The following CTNNA3 variants were observed in gnomAD, a reference collection of about 807,000 sequenced individuals.
CTNNA3 encodes the protein catenin alpha 3.
Under a neutral mutation model 95.7 loss-of-function variants are expected in CTNNA3, and 76 were observed. The observed-to-expected ratio is 0.79, with a 90% CI of 0.66 to 0.96. The LOEUF (loss-of-function observed/expected upper bound fraction) is 0.96. CTNNA3 is among the 40% of genes least tolerant of loss of function. The probability of loss-of-function intolerance (pLI) is 0.00; values close to 1 mark genes in which losing one functional copy is unlikely to be tolerated. For missense variants in CTNNA3, 1,191 were observed against 1,089.8 expected, an observed-to-expected ratio of 1.09 and a Z score of -1.31; for synonymous variants, 431 against 374.4, an observed-to-expected ratio of 1.15 and a Z score of -1.74.
In CTNNA3 at chr10:66,431,053, G is replaced by GAA. The variant is rs201197251; in HGVS notation, c.1532-51703_1532-51702dup. On this transcript the variant is annotated intron_variant, in intron 11 of 17. Coordinates refer to ENST00000433211, the MANE Select transcript of CTNNA3 (RefSeq NM_013266.4). ...ATCCACAAAGAACTCAAATTTACAA[G>GAA]AAAAAAAAAAACCCATCAAAAAGTG... 0.018 allele frequency among the ~76,000 whole-genome samples: 2,658 copies of GAA among 144,780 alleles called. 182 individuals carry two copies. The East Asian group carries it at 0.24, about 13-fold the overall frequency. 95.0% of individuals were successfully genotyped at this position (144,780 alleles called of 152,430 possible).
intron 9 of CTNNA3, among the ~76,000 whole-genome samples, chr10:66,638,843 GT>G (rs1845422829): frequency 6.6e-6 from 1 of 151,456 alleles, no homozygotes; most frequent in Non-Finnish European, 1.5e-5. Flanking sequence ...CTTCCCACTA[GT>G]TATCCCATCT....
At chr10:66,117,248 G>T (rs2082380500) in intron 13 of CTNNA3, among the ~76,000 whole-genome samples, 1 of 152,002 alleles carries the variant, frequency 6.6e-6, no homozygotes, top group African/African-American at 2.4e-5. Flanking sequence ...TTTTAAATGT[G>T]CATTTTATTA....
Position 66,107,180 on chromosome 10 carries a change from T to A in CTNNA3, c.1885-3931A>T, listed in dbSNP as rs576169592. Among the ~76,000 whole-genome samples, 10 of 152,282 alleles carry A rather than the reference T, an allele frequency of 6.6e-5. No individual in the cohort carries two copies. The South Asian group carries it at 2.1e-3, about 32-fold the overall frequency. ...GACAAAGATGAAGAGAGCCCATTTT[T>A]TCAGAAAAAGTGTTAATCAATGCAG... On this transcript the variant is annotated intron_variant, in intron 13 of 17. Coordinates refer to ENST00000433211, the MANE Select transcript of CTNNA3 (RefSeq NM_013266.4).
intron 14 of CTNNA3, among the ~76,000 whole-genome samples, chr10:66,070,289 C>T (rs189963101): frequency 6.6e-5 from 10 of 152,156 alleles, no homozygotes; most frequent in East Asian, 1.9e-4. Flanking sequence ...TGGCAAAGCA[C>T]GTAAATGAAG....
rs188379763 is a variant in CTNNA3 at position 66,003,873 on chromosome 10, T to C, written c.2160-15076A>G. On this transcript the variant is annotated intron_variant, in intron 15 of 17. Coordinates refer to ENST00000433211, the MANE Select transcript of CTNNA3 (RefSeq NM_013266.4). Reference sequence around the variant, plus strand: ...ACTGCTGCATAGAACTGCACACCTTTTGCACTACACACATTTAAGGGCAGC... The same window carrying C: ...ACTGCTGCATAGAACTGCACACCTTCTGCACTACACACATTTAAGGGCAGC... Among the ~76,000 whole-genome samples the C allele has an allele frequency of 1.7e-3, 253 of 152,320 alleles. 1 individual carries two copies. The highest frequency in any genetic ancestry group is 5.6e-3 in the African/African-American group (233 of 41,578).
intron 3 of CTNNA3, among the ~76,000 whole-genome samples, chr10:67,559,245 G>A (rs561494165): frequency 6.6e-6 from 1 of 152,342 alleles, no homozygotes; most frequent in Admixed American, 6.5e-5. Context: ...ACCCCCAGTA[G>A]GGGCAGACTG....
At chr10:66,022,705 G>T (rs2079246428) in intron 15 of CTNNA3, among the ~76,000 whole-genome samples, 2 of 152,022 alleles carry the variant, frequency 1.3e-5, no homozygotes, top group South Asian at 4.1e-4. Context: ...CTGGGTTCCA[G>T]ATATCTAAGC....
rs568000605 is a variant in CTNNA3, at chr10:66,418,719, T to G, written c.1532-39367A>C. 3.3e-3 allele frequency among the ~76,000 whole-genome samples: 502 copies of G among 152,056 alleles called. 1 individual carries two copies. The highest frequency in any genetic ancestry group is 0.012 in the African/African-American group (481 of 41,494). ...GATTTACCCAAGGGACACAAGGATG[T>G]TCAAGATATGCAAATCAATAAACAT... On this transcript the variant is annotated intron_variant, in intron 11 of 17. Transcript: ENST00000433211.
chr10:65,941,709 A>G (rs1428435032), intron 17 of CTNNA3, among the ~76,000 whole-genome samples: 4 of 152,148 alleles, frequency 2.6e-5, no homozygotes, highest in Admixed American at 6.5e-5. Flanking sequence ...CATATTTAGT[A>G]TCTTGATTAA....
intron 11 of CTNNA3, among the ~76,000 whole-genome samples, chr10:66,517,580 G>C (rs961618719): frequency 6.6e-6 from 1 of 152,050 alleles, no homozygotes; most frequent in African/African-American, 2.4e-5. Context: ...CTAAAAGGGG[G>C]AGGCATGAAT....
At chr10:67,181,384 G>C (rs938832273) in intron 6 of CTNNA3, among the ~76,000 whole-genome samples, 2 of 151,998 alleles carry the variant, frequency 1.3e-5, no homozygotes, top group African/African-American at 2.4e-5. Context: ...CTGCTCTAAG[G>C]GTCTTTTATT....
In CTNNA3 at chr10:67,748,221, C is replaced by CA. The variant is rs373791693; in HGVS notation, c.-2+15212dup. ...GGAGAACTTCTCCAACTTAGCAAAACAGGCCAACATTCGAATTCAGGAAAT... is the reference window on the plus strand; with the variant it reads ...GGAGAACTTCTCCAACTTAGCAAAACAAGGCCAACATTCGAATTCAGGAAAT... On this transcript the variant is annotated intron_variant, in intron 1 of 17. Transcript: ENST00000684154. Among the ~76,000 whole-genome samples, 17 of 152,262 alleles carry CA rather than the reference C, an allele frequency of 1.1e-4. No individual in the cohort carries two copies. The East Asian group carries it at 3.1e-3, about 28-fold the overall frequency.
intron 1 of CTNNA3, among the ~76,000 whole-genome samples, chr10:67,725,381 G>C (rs1036962580): frequency 3.3e-5 from 5 of 151,998 alleles, no homozygotes; most frequent in African/African-American, 9.7e-5. Flanking sequence ...GGTTTCACAT[G>C]TTAGCCAGGA....
intron 7 of CTNNA3, among the ~76,000 whole-genome samples, chr10:66,896,216 G>A (rs1845487518): frequency 6.6e-6 from 1 of 152,168 alleles, no homozygotes; most frequent in Admixed American, 6.5e-5. Context: ...ACTGCATGGT[G>A]CTCCACAAAG....
At chr10:67,201,643 T>G (rs1426617278) in intron 6 of CTNNA3, among the ~76,000 whole-genome samples, 1 of 152,184 alleles carries the variant, frequency 6.6e-6, no homozygotes, top group Non-Finnish European at 1.5e-5. Context: ...AACTTGCATT[T>G]AGTCCAAACT....
intron 7 of CTNNA3, among the ~76,000 whole-genome samples, chr10:66,931,717 G>T (rs1589442639): frequency 2.0e-5 from 3 of 152,110 alleles, no homozygotes; most frequent in African/African-American, 7.2e-5. Context: ...ATTTTTGAAT[G>T]TTATACTTTT....
chr10:67,012,974 T>A (rs1236017984), intron 7 of CTNNA3: 1 of 152,182 alleles, frequency 6.6e-6, no homozygotes. Context: ...TTTTCCCTTA[T>A]ATTTTCCAGG....
At chr10:67,477,946 C>T (rs1175795048) in intron 5 of CTNNA3, among the ~76,000 whole-genome samples, 1 of 152,084 alleles carries the variant, frequency 6.6e-6, no homozygotes, top group African/African-American at 2.4e-5. Flanking sequence ...ACTGCTAAAG[C>T]AATGCAGGAC....
At chr10:67,737,708 C>T (rs1362962650) in intron 1 of CTNNA3, among the ~76,000 whole-genome samples, 1 of 152,154 alleles carries the variant, frequency 6.6e-6, no homozygotes, top group Non-Finnish European at 1.5e-5. Context: ...CAATGAGATA[C>T]CATCTCACAC....
Sources: gnomAD v4.1 joint callset for allele counts (sites outside exome capture counted in the v4.1 genomes callset) on GRCh38, gnomAD v4.1.1 for gene constraint, MANE v1.5 for transcripts, NCBI Gene and HGNC (gene_info 2026-07-23, HGNC 2026-07-21) for gene names.